The following PCDH7 variants were observed in gnomAD, a reference collection of about 807,000 sequenced individuals.
PCDH7 encodes the protein protocadherin 7.
In PCDH7, 17 loss-of-function variants were observed where a neutral mutation model predicts 58.9. That is an observed-to-expected ratio of 0.29 (90% CI 0.20 to 0.43). The LOEUF is 0.43. Among genes scored for constraint, PCDH7 ranks in the 20% least tolerant of loss-of-function variants. The pLI is 1.00. For synonymous variants in PCDH7, 664 were observed against 616.4 expected (o/e 1.08, Z -1.14); for missense variants, 1,274 against 1,441.0 (o/e 0.88, Z 1.88).
At chr4:31,119,199 A>G (rs1717354045) in intron 3 of PCDH7, among the ~76,000 whole-genome samples, 1 of 152,162 alleles carries the variant, frequency 6.6e-6, no homozygotes, top group Non-Finnish European at 1.5e-5. Context: ...ATGCCAATGA[A>G]GTAATATCCT....
intron 1 of PCDH7, among the ~76,000 whole-genome samples, chr4:30,793,451 C>A (rs1053564600): frequency 6.6e-6 from 1 of 151,878 alleles, no homozygotes; most frequent in Admixed American, 6.6e-5. Flanking sequence ...ATTTCTTATA[C>A]CAGTTAATTA....
intron 1 of PCDH7, among the ~76,000 whole-genome samples, chr4:30,771,093 C>G (rs1721341345): frequency 6.6e-6 from 1 of 152,070 alleles, no homozygotes; most frequent in African/African-American, 2.4e-5. Context: ...AATAAGTTAC[C>G]TAAGTGTTCT....
At chr4:30,996,311 C>G (rs1019467297) in intron 3 of PCDH7, among the ~76,000 whole-genome samples, 12 of 152,170 alleles carry the variant, frequency 7.9e-5, no homozygotes, top group Non-Finnish European at 1.5e-4. Context: ...TAGGGCAAAA[C>G]CCCTCAGAGT....
At chr4:30,893,266 A>G (rs574051147) in intron 1 of PCDH7, among the ~76,000 whole-genome samples, 309 of 152,218 alleles carry the variant, frequency 2.0e-3, no homozygotes, top group African/African-American at 7.3e-3. Context: ...TTCAGTAATC[A>G]ACTTTTCCAA....
chr4:30,967,092 T>G (rs374669652), intron 3 of PCDH7, among the ~76,000 whole-genome samples: 1 of 152,092 alleles, frequency 6.6e-6, no homozygotes, highest in East Asian at 1.9e-4. Context: ...ATATTTAAAG[T>G]GAAAATAATT....
chr4:30,814,544 C>G (rs1727431398), intron 1 of PCDH7, among the ~76,000 whole-genome samples: 2 of 151,874 alleles, frequency 1.3e-5, no homozygotes, highest in South Asian at 4.2e-4. Context: ...CTTTTTCTGG[C>G]CTAAGAAATT....
At chr4:30,790,090 A>C (rs1723918821) in intron 1 of PCDH7, among the ~76,000 whole-genome samples, 1 of 152,222 alleles carries the variant, frequency 6.6e-6, no homozygotes, top group Non-Finnish European at 1.5e-5. Flanking sequence ...ATTAAGGATC[A>C]AAACCTTGCT....
intron 3 of PCDH7, among the ~76,000 whole-genome samples, chr4:31,072,033 T>G (rs1004078177): frequency 2.6e-5 from 4 of 152,036 alleles, no homozygotes; most frequent in African/African-American, 9.7e-5. Flanking sequence ...ATGAAGTTAA[T>G]TTTCTTTGGA....
rs144479490 is a variant in PCDH7, at chr4:30,842,978, G to A, written c.71-77175G>A. 1.0e-2 allele frequency among the ~76,000 whole-genome samples: 1,511 copies of A among 151,832 alleles called. 25 individuals carry two copies. Among genetic ancestry groups the A allele is most frequent in the African/African-American group, 0.034 (1,402 of 41,394 alleles). ...TTATCATTCTATAAGAGAAGAAACA[G>A]CGTCTGTCTTATGCAATGCCGCAAC... On this transcript the variant is annotated intron_variant, in intron 1 of 3. Coordinates refer to the PCDH7 transcript ENST00000509759.
At chr4:31,070,172 G>C (rs1016409653) in intron 3 of PCDH7, among the ~76,000 whole-genome samples, 4 of 152,004 alleles carry the variant, frequency 2.6e-5, no homozygotes, top group Non-Finnish European at 5.9e-5. Context: ...AAATATGCAT[G>C]TGTGTACGAG....
intron 1 of PCDH7, among the ~76,000 whole-genome samples, chr4:30,847,442 C>T (rs1248597589): frequency 1.3e-5 from 2 of 152,134 alleles, no homozygotes; most frequent in Non-Finnish European, 2.9e-5. Flanking sequence ...ACCCAGCTGT[C>T]CTGTGAAGGA....
chr4:31,004,691 A>C (rs1445317997), intron 3 of PCDH7, among the ~76,000 whole-genome samples: 1 of 152,220 alleles, frequency 6.6e-6, no homozygotes, highest in African/African-American at 2.4e-5. Flanking sequence ...CATCTCAAAA[A>C]GAATGACGAC....
At chr4:31,142,520 G>C in exon 4 of PCDH7, 2 of 1,367,746 alleles carry the variant, frequency 1.5e-6, no homozygotes, top group Non-Finnish European at 2.0e-6. Context: ...GTGCACTCGT[G>C]AGTGTGATGA....
intron 1 of PCDH7, among the ~76,000 whole-genome samples, chr4:30,905,878 G>C (rs1317324694): frequency 1.3e-5 from 2 of 152,178 alleles, no homozygotes; most frequent in Non-Finnish European, 2.9e-5. Context: ...AGATAAATGA[G>C]ATCTTGCAGC....
intron 3 of PCDH7, among the ~76,000 whole-genome samples, chr4:30,975,444 A>G (rs1227870575): frequency 6.6e-6 from 1 of 152,164 alleles, no homozygotes; most frequent in Non-Finnish European, 1.5e-5. Flanking sequence ...TTGTACAAGA[A>G]TATTTTACTC....
chr4:31,018,000 A>C (rs1753752880), intron 3 of PCDH7, among the ~76,000 whole-genome samples: 1 of 152,196 alleles, frequency 6.6e-6, no homozygotes, highest in African/African-American at 2.4e-5. Context: ...TTTAATTATA[A>C]ATTAGACAGT....
intron 1 of PCDH7, among the ~76,000 whole-genome samples, chr4:30,864,856 A>G (rs566054227): frequency 1.6e-4 from 25 of 152,122 alleles, no homozygotes; most frequent in Admixed American, 1.6e-3. Flanking sequence ...AGGAAAAAAA[A>G]TTTAAGGCAA....
intron 3 of PCDH7, among the ~76,000 whole-genome samples, chr4:31,091,606 T>TATAA (rs1713261821): frequency 1.3e-5 from 2 of 151,866 alleles, no homozygotes; most frequent in Non-Finnish European, 2.9e-5. Flanking sequence ...CATACTATTA[T>TATAA]GTATTGCAAG....
intron 3 of PCDH7, among the ~76,000 whole-genome samples, chr4:30,967,415 A>G (rs188415682): frequency 9.2e-5 from 14 of 152,238 alleles, no homozygotes; most frequent in East Asian, 3.9e-4. Context: ...ATTTTCTTCA[A>G]TGGATAGTCT....
Sources: gnomAD v4.1 joint callset for allele counts (sites outside exome capture counted in the v4.1 genomes callset) on GRCh38, gnomAD v4.1.1 for gene constraint, MANE v1.5 for transcripts, NCBI Gene and HGNC (gene_info 2026-07-23, HGNC 2026-07-21) for gene names.